Variants in BPTF observed in about 807,000 individuals in gnomAD.
The protein encoded by BPTF is bromodomain PHD finger transcription factor.
BPTF carries 18 observed loss-of-function variants against 292.5 expected under a neutral mutation model. The ratio of observed to expected loss-of-function variants is 0.06; its 90% confidence interval spans 0.04 to 0.09. BPTF has a LOEUF of 0.09. Ranked by LOEUF, BPTF falls within the 10% of genes least tolerant of loss-of-function variation. BPTF has a pLI of 1.00. For missense variants in BPTF, 2,726 were observed against 3,498.7 expected (o/e 0.78, Z 5.57); for synonymous variants, 1,225 against 1,251.9 (o/e 0.98, Z 0.45).
At chr17:67,836,884 C>T (rs1484986559) in intron 1 of BPTF, among the ~76,000 whole-genome samples, 1 of 152,178 alleles carries the variant, frequency 6.6e-6, no homozygotes, top group Non-Finnish European at 1.5e-5. Context: ...ACTGTAATTT[C>T]ACATACATAT....
intron 1 of BPTF, among the ~76,000 whole-genome samples, chr17:67,853,499 GTGTGAGATCTATTGCCCCTACTT>G: frequency 6.6e-6 from 1 of 152,216 alleles, no homozygotes. Flanking sequence ...GCAGCTGACA[GTGTGAGATCTATTGCCCCTACTT>G]TGTGCTGTGT....
rs149131927 is a variant in BPTF at position 67,981,699 on chromosome 17, C to T, written c.8727-553C>T. 4.3e-3 allele frequency: 4,236 copies of T among 988,410 alleles called. 104 individuals are homozygous for T. The African/African-American group carries it at 0.057, about 13-fold the overall frequency. 61.2% of individuals were successfully genotyped at this position (988,410 alleles called of 1,614,324 possible). A position where few individuals can be genotyped will look rare whatever the true frequency, so the allele number is the denominator to read the frequency against. On this transcript the variant is annotated intron_variant, in intron 27 of 27. Transcript: ENST00000306378. ...TCAATATAAAGTCCTTTGACTTAGTCCTGGTAACTGTACAGTAATTTGGTT... is the reference window on the plus strand; with the variant it reads ...TCAATATAAAGTCCTTTGACTTAGTTCTGGTAACTGTACAGTAATTTGGTT...
intron 27 of BPTF, among the ~76,000 whole-genome samples, chr17:67,979,223 G>T (rs1350998301): frequency 1.4e-5 from 2 of 142,040 alleles, no homozygotes; most frequent in East Asian, 4.1e-4. Context: ...GTGCTACAGA[G>T]AAAAATATTT....
chr17:67,892,632 G>A (rs926583615), intron 5 of BPTF, among the ~76,000 whole-genome samples: 1 of 152,206 alleles, frequency 6.6e-6, no homozygotes, highest in Non-Finnish European at 1.5e-5. Flanking sequence ...CAAGAATAAA[G>A]GACATTCTTA....
intron 1 of BPTF, among the ~76,000 whole-genome samples, chr17:67,826,842 G>A (rs1386284790): frequency 1.3e-5 from 2 of 152,138 alleles, no homozygotes; most frequent in Non-Finnish European, 2.9e-5. Flanking sequence ...ACACAAACAC[G>A]CACAAAAAAA....
At chr17:67,873,458 C>CA (rs996819236) in intron 3 of BPTF, among the ~76,000 whole-genome samples, 1,663 of 70,960 alleles carry the variant, frequency 0.023, 24 homozygotes, top group African/African-American at 0.074. Flanking sequence ...AACTCCATCT[C>CA]AAAAAAAAAA....
At chr17:67,884,848 G>A (rs1391471880) in intron 4 of BPTF, among the ~76,000 whole-genome samples, 1 of 152,004 alleles carries the variant, frequency 6.6e-6, no homozygotes, top group Non-Finnish European at 1.5e-5. Flanking sequence ...ACACAGGATT[G>A]CTGTGTTAAG....
At chr17:67,893,950 A>T in intron 6 of BPTF, 84 bp from the exon 7 acceptor site, 1 of 1,516,788 alleles carries the variant, frequency 6.6e-7, no homozygotes, top group Non-Finnish European at 9.0e-7. Context: ...CTGGAATCAG[A>T]TGGAGGCCAA....
At position 67,910,905 on chromosome 17, in the gene BPTF, T is replaced by A; in HGVS notation, c.3021T>A (p.Ser1007Arg). Residue 1007 changes from serine (S) to arginine (R), a missense_variant, in exon 11 of 28, where the codon AGT becomes AGA. Ser to Arg is a moderately radical substitution (Grantham distance 110). Transcript: ENST00000306378. ...QDVKELLDSD[S>R]DKPCKEEPME... ...TGAAGGAGCTCTTAGATTCTGACAG[T>A]GATAAACCCTGCAAGGAAGAACCAA... The A allele has an allele frequency of 6.2e-7, 1 of 1,608,410 alleles. No individual in the cohort carries two copies. Among genetic ancestry groups the A allele is most frequent in the African/African-American group, 1.3e-5 (1 of 74,786 alleles).
intron 23 of BPTF, among the ~76,000 whole-genome samples, chr17:67,949,492 T>C (rs1272551517): frequency 6.6e-6 from 1 of 151,712 alleles, no homozygotes; most frequent in Non-Finnish European, 1.5e-5. Context: ...GGATAATCGT[T>C]TGAACCTGGG....
chr17:67,940,739 A>G, intron 19 of BPTF, 83 bp downstream of exon 19: 1 of 1,415,582 alleles, frequency 7.1e-7, no homozygotes, highest in Non-Finnish European at 9.7e-7. Context: ...ACTTATTTTG[A>G]TACGTTTTTA....
At position 67,833,226 on chromosome 17, in the gene BPTF, C is replaced by A. The variant is rs188119873; in HGVS notation, c.613+6889C>A. Among the ~76,000 whole-genome samples, 163 of 151,770 alleles carry A rather than the reference C, an allele frequency of 1.1e-3. 1 individual carries two copies. Among genetic ancestry groups the A allele is most frequent in the Middle Eastern group, 0.01 (3 of 294 alleles). On this transcript the variant is annotated intron_variant, in intron 1 of 27. Transcript: ENST00000306378. ...TCAGTACTATATTTGAATAACACTT[C>A]ATTGTATGGCTATACAGCCTTTTTT...
intron 23 of BPTF, 111 bp from the exon 24 acceptor site, chr17:67,959,430 G>A: frequency 1.2e-6 from 1 of 824,238 alleles, no homozygotes; most frequent in Non-Finnish European, 1.8e-6. Flanking sequence ...CTCACGTTAG[G>A]CTGAACTGTG....
chr17:67,939,840 AC>A (rs2065226069), intron 18 of BPTF, among the ~76,000 whole-genome samples: 1 of 152,342 alleles, frequency 6.6e-6, no homozygotes, highest in Admixed American at 6.5e-5. Context: ...AGATCACGCC[AC>A]CGCACTCCAG....
At chr17:67,905,473 G>A (rs1351789593) in intron 9 of BPTF, among the ~76,000 whole-genome samples, 6 of 152,052 alleles carry the variant, frequency 3.9e-5, no homozygotes, top group Non-Finnish European at 8.8e-5. Context: ...TTGGGAGGCT[G>A]AGGCAGGAGG....
chr17:67,982,497 G>A lies in BPTF; in HGVS notation c.*209G>A. On this transcript the variant is annotated 3_prime_UTR_variant, in exon 28 of 28. Transcript: ENST00000306378. ...GCAAAGTCAACGACACCATTATCTTGTCAAGATCAGATGGTTTTACTATTG... is the reference window on the plus strand; with the variant it reads ...GCAAAGTCAACGACACCATTATCTTATCAAGATCAGATGGTTTTACTATTG... 2.3e-6 allele frequency: 1 copy of A among 439,022 alleles called. No homozygotes were observed. 27.2% of individuals were successfully genotyped at this position (439,022 alleles called of 1,614,324 possible). A position where few individuals can be genotyped will look rare whatever the true frequency, so the allele number is the denominator to read the frequency against.
intron 26 of BPTF, among the ~76,000 whole-genome samples, chr17:67,968,218 T>G (rs1335974304): frequency 6.6e-6 from 1 of 151,478 alleles, no homozygotes; most frequent in Non-Finnish European, 1.5e-5. Context: ...GCTAAGCATT[T>G]TTTTTAATGA....
intron 4 of BPTF, among the ~76,000 whole-genome samples, chr17:67,881,985 C>A (rs1049590426): frequency 1.9e-4 from 29 of 150,356 alleles, no homozygotes; most frequent in African/African-American, 7.1e-4. Flanking sequence ...CAGGCGCCCA[C>A]AACCACACCC....
At chr17:67,982,217 G>T (rs2070508050) in intron 27 of BPTF, 35 bp from the exon 28 acceptor site, 1 of 1,593,266 alleles carries the variant, frequency 6.3e-7, no homozygotes, top group African/African-American at 1.3e-5. Context: ...AAAATGAAGG[G>T]TGCTTAATTG....
Sources: gnomAD v4.1 joint callset for allele counts (sites outside exome capture counted in the v4.1 genomes callset) on GRCh38, gnomAD v4.1.1 for gene constraint, MANE v1.5 for transcripts, NCBI Gene and HGNC (gene_info 2026-07-23, HGNC 2026-07-21) for gene names.